Variants in SLC24A3 observed in about 807,000 individuals in gnomAD.
The protein encoded by SLC24A3 is sodium/potassium/calcium exchanger 3.
In SLC24A3, 28 loss-of-function variants were observed where a neutral mutation model predicts 75.8. The ratio of observed to expected loss-of-function variants is 0.37; its 90% CI spans 0.27 to 0.51. The LOEUF is 0.51. SLC24A3 is among the 20% of genes least tolerant of loss of function. The pLI is 0.94. For missense variants in SLC24A3, 663 were observed against 847.8 expected, an observed-to-expected ratio of 0.78 and a Z score of 2.71; for synonymous variants, 372 against 334.1, an observed-to-expected ratio of 1.11 and a Z score of -1.24.
chr20:19,357,268 A>G (rs1409796145), intron 2 of SLC24A3, among the ~76,000 whole-genome samples: 4 of 152,192 alleles, frequency 2.6e-5, no homozygotes, highest in African/African-American at 4.8e-5. Flanking sequence ...TGGAGGGGGC[A>G]TGGCTCTGCT....
chr20:19,564,607 T>C (rs898108428), intron 3 of SLC24A3, among the ~76,000 whole-genome samples: 2 of 152,190 alleles, frequency 1.3e-5, no homozygotes, highest in Non-Finnish European at 2.9e-5. Flanking sequence ...CCTGAACTTA[T>C]ACATCCAAGT....
intron 2 of SLC24A3, among the ~76,000 whole-genome samples, chr20:19,363,904 G>A (rs945158850): frequency 5.3e-5 from 8 of 152,108 alleles, no homozygotes; most frequent in African/African-American, 1.9e-4. Flanking sequence ...TTTCTCTGAA[G>A]CAATGAGGCT....
chr20:19,595,225 G>C (rs186355435), intron 6 of SLC24A3, among the ~76,000 whole-genome samples: 1 of 152,170 alleles, frequency 6.6e-6, no homozygotes, highest in African/African-American at 2.4e-5. Flanking sequence ...CATTTTTTCT[G>C]CTGAGGGAAT....
chr20:19,710,616 G>T (rs796780565), intron 15 of SLC24A3, among the ~76,000 whole-genome samples: 1 of 152,178 alleles, frequency 6.6e-6, no homozygotes, highest in Non-Finnish European at 1.5e-5. Flanking sequence ...TGTTCCTTGC[G>T]TCTTTGAGGC....
chr20:19,681,813 A>C, intron 9 of SLC24A3, 45 bp from the exon 10 acceptor site: 1 of 1,612,618 alleles, frequency 6.2e-7, no homozygotes, highest in Non-Finnish European at 8.5e-7. Flanking sequence ...GAAATGGGAG[A>C]ATGGAAAACA....
At chr20:19,325,676 T>A (rs1023758653) in intron 2 of SLC24A3, among the ~76,000 whole-genome samples, 6 of 149,696 alleles carry the variant, frequency 4.0e-5, no homozygotes, top group Non-Finnish European at 7.4e-5. Context: ...ATTTGGAGAT[T>A]TTTTTGTTTT....
intron 1 of SLC24A3, among the ~76,000 whole-genome samples, chr20:19,214,104 C>T (rs1981485395): frequency 1.3e-5 from 2 of 152,184 alleles, no homozygotes; most frequent in Non-Finnish European, 1.5e-5. Context: ...AAAGGGATCT[C>T]CCCCAGCTTG....
rs1308106765 is a variant in SLC24A3 at position 19,212,974 on chromosome 20, A to C, written c.132A>C (p.Arg44=). Residue 44 remains arginine, a synonymous_variant, in exon 1 of 17, where the codon CGA becomes CGC. Transcript: ENST00000328041. ...TGCTCTGGTCGCTGTCGAGCCTGCG[A>C]GAGCAGAAGGGTGAGTGCACGCTGC... is the stretch of plus-strand genomic sequence containing the variant. ...ALLLWSLSSL[R]EQKELDLMDL... 1 of 1,297,760 alleles carries C rather than the reference A, an allele frequency of 7.7e-7. No individual in the cohort carries two copies. Among genetic ancestry groups the C allele is most frequent in the African/African-American group, 1.5e-5 (1 of 65,852 alleles). The allele number at this position is 1,297,760 out of a possible 1,614,324, so 80.4% of individuals were successfully genotyped here. A position where few individuals can be genotyped will look rare whatever the true frequency, so the allele number is the denominator to read the frequency against.
intron 2 of SLC24A3, among the ~76,000 whole-genome samples, chr20:19,434,975 T>C (rs926407002): frequency 6.6e-6 from 1 of 152,154 alleles, no homozygotes; most frequent in Non-Finnish European, 1.5e-5. Flanking sequence ...ATTCAAAAAA[T>C]TCAAAAAAGG....
intron 2 of SLC24A3, among the ~76,000 whole-genome samples, chr20:19,429,716 T>C (rs1262321017): frequency 6.6e-6 from 1 of 152,168 alleles, no homozygotes; most frequent in Non-Finnish European, 1.5e-5. Context: ...ACTCTATATA[T>C]GGTCATCCGA....
intron 2 of SLC24A3, among the ~76,000 whole-genome samples, chr20:19,314,272 T>C (rs1211375531): frequency 6.7e-6 from 1 of 149,440 alleles, no homozygotes; most frequent in Non-Finnish European, 1.5e-5. Flanking sequence ...TTTTTGTTTT[T>C]ATTTATTTAT....
intron 2 of SLC24A3, among the ~76,000 whole-genome samples, chr20:19,437,153 T>A (rs942406669): frequency 6.6e-6 from 1 of 152,058 alleles, no homozygotes; most frequent in Non-Finnish European, 1.5e-5. Flanking sequence ...AGGAAAGACA[T>A]GAGAGTCGGT....
chr20:19,324,884 T>C (rs1984802011), intron 2 of SLC24A3, among the ~76,000 whole-genome samples: 1 of 152,210 alleles, frequency 6.6e-6, no homozygotes, highest in Non-Finnish European at 1.5e-5. Context: ...TCAAATTTTA[T>C]TACAAAATAT....
intron 2 of SLC24A3, among the ~76,000 whole-genome samples, chr20:19,423,565 C>T (rs978539337): frequency 1.3e-5 from 2 of 152,154 alleles, no homozygotes; most frequent in Non-Finnish European, 2.9e-5. Flanking sequence ...GGTTCTGTTT[C>T]TGTTTTGGTA....
At chr20:19,257,265 AGCTGTGGATGGG>A (rs1003324948) in intron 1 of SLC24A3, among the ~76,000 whole-genome samples, 29 of 152,228 alleles carry the variant, frequency 1.9e-4, no homozygotes, top group African/African-American at 6.5e-4. Context: ...AGCCATCTAC[AGCTGTGGATGGG>A]GCTGTTTCAA....
At chr20:19,335,950 C>T (rs1017387252) in intron 2 of SLC24A3, among the ~76,000 whole-genome samples, 4 of 152,136 alleles carry the variant, frequency 2.6e-5, no homozygotes, top group African/African-American at 9.7e-5. Flanking sequence ...TCATGTGGAC[C>T]CACCATATAG....
At chr20:19,220,517 G>A (rs1179134572) in intron 1 of SLC24A3, among the ~76,000 whole-genome samples, 3 of 152,196 alleles carry the variant, frequency 2.0e-5, no homozygotes, top group Non-Finnish European at 4.4e-5. Context: ...GGTGACCTCA[G>A]GAAGTCGATA....
At chr20:19,311,941 C>T (rs1387110090) in intron 2 of SLC24A3, among the ~76,000 whole-genome samples, 1 of 152,070 alleles carries the variant, frequency 6.6e-6, no homozygotes, top group Non-Finnish European at 1.5e-5. Context: ...TCCCATGCGC[C>T]CTTCCTCTTT....
chr20:19,222,063 A>AT (rs897554281), intron 1 of SLC24A3, among the ~76,000 whole-genome samples: 8 of 151,596 alleles, frequency 5.3e-5, no homozygotes, highest in South Asian at 4.2e-4. Context: ...ATTTCTATAG[A>AT]TTTTTTTTAA....
Sources: allele counts gnomAD v4.1 joint callset (sites outside exome capture counted in the v4.1 genomes callset), GRCh38; gene constraint gnomAD v4.1.1; transcripts MANE v1.5; gene names NCBI Gene and HGNC (gene_info 2026-07-23, HGNC 2026-07-21).